The following CHAT variants were observed in gnomAD, a reference collection of about 807,000 sequenced individuals.
The protein encoded by CHAT is choline O-acetyltransferase.
Under a neutral mutation model 76.9 loss-of-function variants are expected in CHAT, and 61 were observed. The observed-to-expected ratio is 0.79, with a 90% CI of 0.65 to 0.98. CHAT has a LOEUF of 0.98. Ranked by LOEUF, CHAT falls within the 50% of genes least tolerant of loss-of-function variation. CHAT has a pLI of 0.00. For missense variants in CHAT, 946 were observed against 986.9 expected (o/e 0.96, Z 0.56); for synonymous variants, 407 against 397.4 (o/e 1.02, Z -0.29).
At chr10:49,649,719 G>A (rs1260548370) in intron 10 of CHAT, 83 bp downstream of exon 10, 1 of 1,511,010 alleles carries the variant, frequency 6.6e-7, no homozygotes, top group African/African-American at 1.4e-5. Context: ...CTCCCTGGAA[G>A]TTTCCAAAGA....
At chr10:49,663,766 T>A (rs977208825) in intron 14 of CHAT, among the ~76,000 whole-genome samples, 1 of 152,128 alleles carries the variant, frequency 6.6e-6, no homozygotes, top group Admixed American at 6.5e-5. Context: ...AGTAATGGGA[T>A]GTTGTCATTA....
chr10:49,644,457 C>T (rs1470749870), intron 7 of CHAT, among the ~76,000 whole-genome samples: 1 of 152,134 alleles, frequency 6.6e-6, no homozygotes, highest in African/African-American at 2.4e-5. Context: ...TGGGCTGGCT[C>T]TCATTTATGC....
upstream of CHAT, chr10:49,612,174 C>T: frequency 6.2e-7 from 1 of 1,610,316 alleles, no homozygotes; most frequent in East Asian, 2.2e-5. Flanking sequence ...TGACGCGCTC[C>T]CGTTCCGAGC....
Position 49,627,610 on chromosome 10 carries a change from C to T in CHAT, c.936C>T (p.Phe312=), listed in dbSNP as rs1442234888. 1.2e-6 allele frequency: 2 copies of T among 1,613,978 alleles called. No homozygotes were observed. Among genetic ancestry groups the T allele is most frequent in the Non-Finnish European group, 1.7e-6 (2 of 1,179,952 alleles). The change falls in exon 7 of 15, where the codon TTC becomes TTT. Residue 312 remains phenylalanine, a splice_region_variant and synonymous_variant. Transcript: ENST00000337653. Reference sequence around the variant, plus strand: ...TGTTTGACCTGTTTACCCCACAGTTCTTTGTCTTGGATGTTGTCATTAATT... The same window carrying T: ...TGTTTGACCTGTTTACCCCACAGTTTTTTGTCTTGGATGTTGTCATTAATT... ...EHVIVACCNQ[F]FVLDVVINFR... is the part of the protein sequence containing the mutation.
At chr10:49,621,934 A>C (rs1448043346) in intron 4 of CHAT, among the ~76,000 whole-genome samples, 163 bp from the exon 5 acceptor site, 1 of 151,674 alleles carries the variant, frequency 6.6e-6, no homozygotes, top group Non-Finnish European at 1.5e-5. Flanking sequence ...GGGCGATCAC[A>C]GAGTTTGGCA....
chr10:49,619,731 C>T lies in CHAT; in HGVS notation c.394C>T (p.Pro132Ser), dbSNP rs1323843750. Residue 132 changes from proline (P) to serine (S), a missense_variant, in exon 3 of 15, where the codon CCC (proline) becomes TCC (serine). Pro to Ser is a moderately conservative substitution (Grantham distance 74). Coordinates refer to ENST00000337653, the MANE Select transcript of CHAT (RefSeq NM_020549.5). ...KTPSSEESGL[P>S]KLPVPPLQQT... ...TATGAACCCTTTCTTCCAGGGGCTG[C>T]CCAAACTGCCCGTGCCCCCGCTGCA... 7.4e-6 allele frequency: 12 copies of T among 1,611,210 alleles called. No individual in the cohort carries two copies. The highest frequency in any genetic ancestry group is 1.9e-4 in the Middle Eastern group (1 of 5,164).
At chr10:49,658,514 A>G (rs1840098812) in intron 13 of CHAT, among the ~76,000 whole-genome samples, 1 of 151,998 alleles carries the variant, frequency 6.6e-6, no homozygotes, top group Admixed American at 6.6e-5. Context: ...GTGAAACTCC[A>G]TCTCAAAAAA....
At position 49,614,494 on chromosome 10, in the gene CHAT, C is replaced by A; in HGVS notation, c.286+19C>A. Reference sequence around the variant, plus strand: ...AGAGCAGGTGAGAAGAAGGGCTGGGCTGGGCTGGCGGAGCGCGGTGCCGGG... The same window carrying A: ...AGAGCAGGTGAGAAGAAGGGCTGGGATGGGCTGGCGGAGCGCGGTGCCGGG... On this transcript the variant is annotated intron_variant, in intron 1 of 14. Transcript: ENST00000337653. 3 of 1,459,938 alleles carry A rather than the reference C, an allele frequency of 2.1e-6. No individual in the cohort carries two copies. The highest frequency in any genetic ancestry group is 2.7e-6 in the Non-Finnish European group (3 of 1,097,124). 90.4% of individuals were successfully genotyped at this position (1,459,938 alleles called of 1,614,324 possible).
rs780449243 is a variant in CHAT, at chr10:49,662,787, G to A, written c.1977+5G>A. The A allele has an allele frequency of 4.2e-5, 68 of 1,614,064 alleles. No homozygotes were observed. The Middle Eastern group carries it at 4.9e-4, about 12-fold the overall frequency. Reference sequence around the variant, plus strand: ...TTTGTCCTCTCCACTAGCCAGGTACGGCCCCGTGCAGCTATCGCCCAAGAG... The same window carrying A: ...TTTGTCCTCTCCACTAGCCAGGTACAGCCCCGTGCAGCTATCGCCCAAGAG... On this transcript the variant is annotated splice_donor_5th_base_variant and intron_variant, in intron 14 of 14. Transcript: ENST00000337653.
Position 49,616,109 on chromosome 10 carries a change from G to A in CHAT, c.287-393G>A, listed in dbSNP as rs567072316. ...GCACAGTAGGTATGGTCTTACCCTTGAGAAGCTAGTGGGAAAGAGAGAGTT... is the reference window on the plus strand; with the variant it reads ...GCACAGTAGGTATGGTCTTACCCTTAAGAAGCTAGTGGGAAAGAGAGAGTT... On this transcript the variant is annotated intron_variant, in intron 1 of 14. Coordinates refer to ENST00000337653, the MANE Select transcript of CHAT (RefSeq NM_020549.5). 5.5e-5 allele frequency: 89 copies of A among 1,607,730 alleles called. No homozygotes were observed. In the South Asian group the frequency reaches 9.3e-4, roughly 17 times the overall value.
chr10:49,609,164 G>T (rs80200823), upstream of CHAT: 4 of 152,156 alleles, frequency 2.6e-5, no homozygotes, highest in African/African-American at 9.7e-5. Flanking sequence ...AGCTGAGCAC[G>T]GGCGCCTCAA....
At chr10:49,609,993 G>T (rs1554800302), upstream of CHAT, among the ~76,000 whole-genome samples, 1 of 152,040 alleles carries the variant, frequency 6.6e-6, no homozygotes, top group Non-Finnish European at 1.5e-5. Flanking sequence ...AAGAGCGGGC[G>T]CTGACCCCGC....
chr10:49,644,340 T>C (rs1232170728), intron 7 of CHAT, among the ~76,000 whole-genome samples: 2 of 152,122 alleles, frequency 1.3e-5, no homozygotes, highest in Non-Finnish European at 2.9e-5. Flanking sequence ...GTTTAGAAAT[T>C]TGGATTCTCC....
intron 7 of CHAT, among the ~76,000 whole-genome samples, chr10:49,644,018 T>G (rs72795718): frequency 0.016 from 2,457 of 152,300 alleles, 30 homozygotes; most frequent in Non-Finnish European, 0.027. Context: ...GGGGGGCACC[T>G]CTGGGCTCAG....
At chr10:49,648,679 C>A in intron 9 of CHAT, 72 bp downstream of exon 9, 1 of 919,294 alleles carries the variant, frequency 1.1e-6, no homozygotes, top group Non-Finnish European at 1.8e-6. Context: ...CTGTGTCAGT[C>A]TGGAAAGCGT....
At chr10:49,612,457 C>T, upstream of CHAT, 1 of 1,012,304 alleles carries the variant, frequency 9.9e-7, no homozygotes, top group Non-Finnish European at 1.5e-6. Flanking sequence ...CCAGCCACTC[C>T]TCAACCTTGA....
upstream of CHAT, chr10:49,613,346 A>T (rs1352793380): frequency 1.3e-5 from 2 of 151,806 alleles, no homozygotes; most frequent in Non-Finnish European, 2.9e-5. Context: ...TCTGGTGCCA[A>T]CCCCCACTGC....
At position 49,648,759 on chromosome 10, in the gene CHAT, G is replaced by C. The variant is rs564258971; in HGVS notation, c.1382+152G>C. The C allele has an allele frequency of 1.2e-5, 7 of 574,090 alleles. No homozygotes were observed. In the African/African-American group the frequency reaches 1.7e-4, roughly 14 times the overall value. 35.6% of individuals were successfully genotyped at this position (574,090 alleles called of 1,614,324 possible). On this transcript the variant is annotated intron_variant, in intron 9 of 14. Coordinates refer to ENST00000337653, the MANE Select transcript of CHAT (RefSeq NM_020549.5). ...CACACACACACACACACACACACAC[G>C]ATGAATTTGAAACCCAGCTTTGTAT...
In CHAT at chr10:49,655,404, C is replaced by T; in HGVS notation, c.1795C>T (p.Leu599Phe). 3.1e-6 allele frequency: 5 copies of T among 1,614,158 alleles called. No homozygotes were observed. Among genetic ancestry groups the T allele is most frequent in the Non-Finnish European group, 4.2e-6 (5 of 1,180,024 alleles). Residue 599 changes from leucine (L) to phenylalanine (F), a missense_variant, in exon 13 of 15, where the codon CTC (leucine) becomes TTC (phenylalanine). Around this residue, in one of 3 missense-constraint regions of CHAT, gnomAD observed 349 missense variants for 393.9 expected, o/e 0.89. Transcript: ENST00000337653. ...TTGACAGGCTTCTGAGAAGCTTCTG[C>T]TCCTGAAGGATGCCATCCGTGCCCA... is the stretch of plus-strand genomic sequence containing the variant. ...AAVPASEKLL[L>F]LKDAIRAQTA...
Sources: gnomAD v4.1 joint callset for allele counts (sites outside exome capture counted in the v4.1 genomes callset) on GRCh38, gnomAD v4.1.1 for gene constraint, gnomAD v4.1.1 regional missense constraint, MANE v1.5 for transcripts, NCBI Gene and HGNC (gene_info 2026-07-23, HGNC 2026-07-21) for gene names.